RUVBL1: variants seen among roughly 807,000 people sequenced by gnomAD.
The protein encoded by RUVBL1 is ruvB-like 1.
RUVBL1 carries 4 observed loss-of-function variants against 52.4 expected under a neutral mutation model. That is an observed-to-expected ratio of 0.08 (90% CI 0.04 to 0.17). The LOEUF (loss-of-function observed/expected upper bound fraction) is 0.17. RUVBL1 is among the 10% of genes least tolerant of loss of function. The pLI, the probability that RUVBL1 is intolerant of heterozygous loss-of-function variation, is 1.00. For missense variants in RUVBL1, 298 were observed against 572.8 expected, an observed-to-expected ratio of 0.52 and a Z score of 4.90; for synonymous variants, 217 against 214.4, an observed-to-expected ratio of 1.01 and a Z score of -0.10.
At chr3:128,126,905 G>A (rs140648730), upstream of RUVBL1, among the ~76,000 whole-genome samples, 296 of 152,302 alleles carry the variant, frequency 1.9e-3, 1 homozygote, top group African/African-American at 6.6e-3. Flanking sequence ...TAGTTTGGGC[G>A]AACTGACCCC....
rs1944166494 is a variant in RUVBL1, at chr3:128,150,299, A to C, written c.-40+2904T>G. On this transcript the variant is annotated intron_variant, in intron 1 of 9. Coordinates refer to the RUVBL1 transcript ENST00000464873. ...GAATATTTGTTAGAAGATTTGTATT[A>C]GTCAGGATTCTCTAGAGGGACAGAA... 2.6e-5 allele frequency among the ~76,000 whole-genome samples: 4 copies of C among 152,248 alleles called. No homozygotes were observed. In the South Asian group the frequency reaches 6.2e-4, roughly 24 times the overall value.
At chr3:128,143,735 T>C (rs1035060417) in intron 1 of RUVBL1, among the ~76,000 whole-genome samples, 1 of 152,128 alleles carries the variant, frequency 6.6e-6, no homozygotes, top group African/African-American at 2.4e-5. Context: ...TCACTAACAA[T>C]CCAGTCACTG....
At position 128,069,591 on chromosome 3, in the gene RUVBL1, A is replaced by G. The variant is rs757208336; in HGVS notation, c.940-4371T>C. The G allele has an allele frequency of 8.2e-5, 132 of 1,613,980 alleles. No individual in the cohort carries two copies. The highest frequency in any genetic ancestry group is 1.1e-4 in the Non-Finnish European group (128 of 1,180,032). ...CGGGATCCTGCTCGCAGTCACAATC[A>G]TCTACCAGTACTTTGAGATCTTCGT... On this transcript the variant is annotated intron_variant, in intron 9 of 9. Coordinates refer to the RUVBL1 transcript ENST00000464873.
intron 2 of RUVBL1, among the ~76,000 whole-genome samples, chr3:128,117,004 G>C (rs2107712332): frequency 6.6e-6 from 1 of 152,274 alleles, no homozygotes; most frequent in East Asian, 1.9e-4. Context: ...CTGTCAAGTG[G>C]TTCAGAAATA....
intron 1 of RUVBL1, among the ~76,000 whole-genome samples, chr3:128,151,508 T>G (rs1232385690): frequency 6.6e-6 from 1 of 152,118 alleles, no homozygotes; most frequent in African/African-American, 2.4e-5. Context: ...AAAGCTCTTA[T>G]TACCTATTTA....
At chr3:128,068,124 G>A in intron 9 of RUVBL1, 1 of 1,323,146 alleles carries the variant, frequency 7.6e-7, no homozygotes, top group Non-Finnish European at 1.1e-6. Flanking sequence ...TTCCATGCAG[G>A]GCATCCTGAT....
At chr3:128,119,862 A>G (rs1236085612) in intron 1 of RUVBL1, among the ~76,000 whole-genome samples, 3 of 152,222 alleles carry the variant, frequency 2.0e-5, no homozygotes, top group Non-Finnish European at 2.9e-5. Context: ...TGCAGTGACC[A>G]AAGTATAGCG....
chr3:128,107,737 G>A (rs1045559026), intron 3 of RUVBL1, among the ~76,000 whole-genome samples: 1 of 152,182 alleles, frequency 6.6e-6, no homozygotes, highest in South Asian at 2.1e-4. Context: ...ATTAATCTTA[G>A]ACAAAAATTC....
intron 1 of RUVBL1, among the ~76,000 whole-genome samples, chr3:128,148,923 T>C (rs1009475495): frequency 2.6e-5 from 4 of 152,180 alleles, no homozygotes; most frequent in Non-Finnish European, 5.9e-5. Context: ...GATCTCTCTT[T>C]TTCTATTTAC....
downstream of RUVBL1, among the ~76,000 whole-genome samples, chr3:128,077,588 G>C (rs1173943056): frequency 6.6e-6 from 1 of 152,224 alleles, no homozygotes; most frequent in Non-Finnish European, 1.5e-5. Flanking sequence ...GGCTGCCTCA[G>C]CCCTAGCTGA....
chr3:128,145,042 C>T (rs140975758), intron 1 of RUVBL1, among the ~76,000 whole-genome samples: 198 of 152,242 alleles, frequency 1.3e-3, no homozygotes, highest in African/African-American at 4.3e-3. Flanking sequence ...GAAGGAGGAA[C>T]GGAGAGAAAG....
chr3:128,099,461 T>C (rs780293050), intron 6 of RUVBL1, among the ~76,000 whole-genome samples: 2 of 152,204 alleles, frequency 1.3e-5, no homozygotes, highest in Non-Finnish European at 2.9e-5. Flanking sequence ...AGAGCAAGTA[T>C]AAATATACCA....
intron 1 of RUVBL1, among the ~76,000 whole-genome samples, chr3:128,140,107 T>C (rs1490123992): frequency 6.6e-6 from 1 of 152,014 alleles, no homozygotes; most frequent in African/African-American, 2.4e-5. Context: ...TGATTATACA[T>C]TGTATGCCTG....
chr3:128,076,928 G>GCGGCGCTGA (rs1329510877), downstream of RUVBL1, among the ~76,000 whole-genome samples: 2 of 152,130 alleles, frequency 1.3e-5, no homozygotes, highest in African/African-American at 4.8e-5. The surrounding 1 kb of genome is among the most constrained non-coding windows in gnomAD (Gnocchi z 6.8). Context: ...CATTAATCAC[G>GCGGCGCTGA]CGGCGCTGAC....
At chr3:128,143,191 G>C (rs77533892) in intron 1 of RUVBL1, among the ~76,000 whole-genome samples, 1 of 74,454 alleles carries the variant, frequency 1.3e-5, no homozygotes, top group Non-Finnish European at 2.8e-5. Flanking sequence ...TTTTTTTTTT[G>C]AGACAGAGTC....
chr3:128,077,139 C>A (rs900450854), downstream of RUVBL1, among the ~76,000 whole-genome samples: 66 of 152,098 alleles, frequency 4.3e-4, no homozygotes, highest in Non-Finnish European at 7.7e-4. Flanking sequence ...GTCGCCGAGA[C>A]GCGCGCTGAT....
chr3:128,152,700 G>T (rs1311758533), intron 1 of RUVBL1, among the ~76,000 whole-genome samples: 2 of 152,094 alleles, frequency 1.3e-5, no homozygotes. Flanking sequence ...TAGTCTCGCT[G>T]ACTTCAAGAA....
At chr3:128,101,449 G>T in intron 5 of RUVBL1, 110 bp downstream of exon 5, 1 of 952,612 alleles carries the variant, frequency 1.0e-6, no homozygotes, top group Non-Finnish European at 1.6e-6. Flanking sequence ...ACAGACACCA[G>T]CCCCTCCCCA....
chr3:128,135,443 G>C (rs1368782904), intron 1 of RUVBL1, among the ~76,000 whole-genome samples: 1 of 152,222 alleles, frequency 6.6e-6, no homozygotes, highest in African/African-American at 2.4e-5. Flanking sequence ...TGAAGCAGGA[G>C]AATCGCTTGA....
Sources: gnomAD v4.1 joint callset for allele counts (sites outside exome capture counted in the v4.1 genomes callset) on GRCh38, gnomAD v4.1.1 for gene constraint, Gnocchi (gnomAD v3.1) non-coding constraint, MANE v1.5 for transcripts, NCBI Gene and HGNC (gene_info 2026-07-23, HGNC 2026-07-21) for gene names.